ZNF233: variants seen among roughly 807,000 people sequenced by gnomAD.
The protein encoded by ZNF233 is zinc finger protein 233.
In ZNF233, 7 loss-of-function variants were observed where a neutral mutation model predicts 11.6. The observed-to-expected ratio is 0.60, with a 90% CI of 0.34 to 1.13. The LOEUF (loss-of-function observed/expected upper bound fraction) is 1.13, where lower values mean the gene tolerates loss of function less well. Among genes scored for constraint, ZNF233 ranks in the 50% most tolerant of loss-of-function variants. The pLI is 0.03. For synonymous variants in ZNF233, 226 were observed against 268.5 expected, an observed-to-expected ratio of 0.84 and a Z score of 1.55; for missense variants, 711 against 785.5, an observed-to-expected ratio of 0.91 and a Z score of 1.13.
intron 4 of ZNF233, chr19:44,268,176 A>G (rs1975143455): frequency 6.6e-6 from 1 of 152,078 alleles, no homozygotes; most frequent in South Asian, 2.1e-4. Context: ...ACATACATAC[A>G]TACATACATT....
intron 4 of ZNF233, among the ~76,000 whole-genome samples, chr19:44,268,826 CATTT>C (rs891543951): frequency 3.3e-5 from 5 of 151,458 alleles, no homozygotes; most frequent in South Asian, 2.1e-4. Context: ...CTTCTTCCTT[CATTT>C]ATCTTTAATT....
chr19:44,273,769 G>A lies in ZNF233; in HGVS notation c.1109G>A (p.Cys370Tyr). The part of the protein sequence containing the change: ...HELTHPGEKL[C>Y]TCGRCGKGFH... ...CTTACTCACCCAGGAGAGAAGTTGT[G>A]TACATGTGGCAGGTGTGGGAAGGGC... Residue 370 changes from cysteine (C) to tyrosine (Y), a missense_variant, in exon 5 of 5, where the codon TGT (cysteine) becomes TAT (tyrosine). By Grantham distance (194) the Cys-to-Tyr change is radical. Coordinates refer to ENST00000683810, the MANE Select transcript of ZNF233 (RefSeq NM_001207005.2). 2 of 1,614,172 alleles carry A rather than the reference G, an allele frequency of 1.2e-6. No individual in the cohort carries two copies. Among genetic ancestry groups the A allele is most frequent in the Middle Eastern group, 1.6e-4 (1 of 6,062 alleles).
intron 2 of ZNF233, among the ~76,000 whole-genome samples, chr19:44,264,928 C>T (rs1975030522): frequency 6.6e-6 from 1 of 152,058 alleles, no homozygotes; most frequent in Non-Finnish European, 1.5e-5. Context: ...TTTCATGGGG[C>T]TTTAAAAATG....
In ZNF233 at chr19:44,274,458, G is replaced by C; in HGVS notation, c.1798G>C (p.Gly600Arg). The C allele has an allele frequency of 6.2e-7, 1 of 1,614,108 alleles. No homozygotes were observed. Among genetic ancestry groups the C allele is most frequent in the Non-Finnish European group, 8.5e-7 (1 of 1,180,008 alleles). The change falls in exon 5 of 5, where the codon GGC (glycine) becomes CGC (arginine). Residue 600 changes from glycine (G) to arginine (R), a missense_variant. Transcript: ENST00000683810. ...ATACAAATGTGAAGAATGTAGGAAA[G>C]GCTTCATCTGGAACTCATATCTTCA... ...KPYKCEECRKGFIWNSYLHVH... is the reference protein window; with the variant it reads ...KPYKCEECRKRFIWNSYLHVH...
intron 4 of ZNF233, chr19:44,267,427 C>T (rs186955652): frequency 2.2e-4 from 88 of 397,942 alleles, no homozygotes; most frequent in African/African-American, 1.7e-3. Context: ...TCATGGTACA[C>T]TGCAGCCTCG....
At position 44,274,655 on chromosome 19, in the gene ZNF233, TTC is replaced by T. The variant is rs1568638206; in HGVS notation, c.1996_1997del (p.Ser666IlefsTer24). On this transcript the variant is annotated frameshift_variant, in exon 5 of 5. Transcript: ENST00000683810. LOFTEE classifies it high-confidence loss of function. The stretch of plus-strand genomic sequence containing the variant: ...TTAGTAAGAGTTCGTTGTCTTCAGA[TTC>T]ATCAGAGAGTCCATGATGGTGATGA... Reference protein sequence around the residue: ...GFSKSSLSSDSSESP With the variant: ...GFSKSSLSSDXSESP 11 of 1,602,966 alleles carry T rather than the reference TTC, an allele frequency of 6.9e-6. No homozygotes were observed. The highest frequency in any genetic ancestry group is 6.8e-5 in the Admixed American group (4 of 59,230).
chr19:44,262,880 C>G (rs532922257), intron 1 of ZNF233, among the ~76,000 whole-genome samples: 3 of 152,184 alleles, frequency 2.0e-5, no homozygotes, highest in African/African-American at 7.2e-5. Context: ...CAGTTCATAC[C>G]CTCCAACTTC....
chr19:44,273,748 C>T lies in ZNF233; in HGVS notation c.1088C>T (p.Thr363Ile), dbSNP rs770636457. The T allele has an allele frequency of 6.2e-7, 1 of 1,614,182 alleles. No individual in the cohort carries two copies. Among genetic ancestry groups the T allele is most frequent in the Non-Finnish European group, 8.5e-7 (1 of 1,180,030 alleles). ...QNSCLPSHEL[T>I]HPGEKLCTCG... The stretch of plus-strand genomic sequence containing the variant: ...TCCTGTCTTCCCTCTCATGAGCTTA[C>T]TCACCCAGGAGAGAAGTTGTGTACA... The change falls in exon 5 of 5, where the codon ACT (threonine) becomes ATT (isoleucine). Residue 363 changes from threonine to isoleucine, a missense_variant. Coordinates refer to ENST00000683810, the MANE Select transcript of ZNF233 (RefSeq NM_001207005.2).
At position 44,266,253 on chromosome 19, in the gene ZNF233, T is replaced by G; in HGVS notation, c.71T>G (p.Leu24Trp). ...GTCTTCACCAGGGAGGAGCTGGGGT[T>G]GCTGGACCTTGCCCAGAGAAAGCTG... The part of the protein sequence containing the change: ...AVVFTREELG[L>W]LDLAQRKLYQ... Residue 24 changes from leucine to tryptophan, a missense_variant, in exon 3 of 5, where the codon TTG becomes TGG. Physicochemically the swap from Leu to Trp is moderately conservative, Grantham distance 61 (BLOSUM62 -2). Coordinates refer to ENST00000683810, the MANE Select transcript of ZNF233 (RefSeq NM_001207005.2). The G allele has an allele frequency of 2.5e-6, 4 of 1,612,868 alleles. 1 individual carries two copies. The South Asian group carries it at 4.4e-5, about 18-fold the overall frequency.
chr19:44,265,831 G>A (rs896661799), intron 2 of ZNF233, among the ~76,000 whole-genome samples: 8 of 152,158 alleles, frequency 5.3e-5, no homozygotes, highest in Non-Finnish European at 1.2e-4. Context: ...CTTTTTCAGC[G>A]TTGGGACTAA....
intron 4 of ZNF233, chr19:44,268,177 T>TACATACATACAC (rs1975143649): frequency 6.6e-6 from 1 of 151,894 alleles, no homozygotes; most frequent in African/African-American, 2.4e-5. Context: ...CATACATACA[T>TACATACATACAC]ACATACATTT....
At chr19:44,271,047 T>C (rs1431171418) in intron 4 of ZNF233, among the ~76,000 whole-genome samples, 1 of 152,204 alleles carries the variant, frequency 6.6e-6, no homozygotes. Context: ...TCAAACCAAG[T>C]GGCAACAATT....
intron 3 of ZNF233, among the ~76,000 whole-genome samples, chr19:44,266,606 C>T (rs756069767): frequency 1.1e-4 from 17 of 151,772 alleles, no homozygotes; most frequent in East Asian, 3.9e-4. Context: ...TTCAGTGCAA[C>T]GAAAATTGTA....
Position 44,265,012 on chromosome 19 carries a change from G to A in ZNF233, c.15+637G>A, listed in dbSNP as rs193242470. ...AACAGTTTTATATCCCACTTCGACAGTTGTATAATTGCATTAGCCCACCAT... is the reference window on the plus strand; with the variant it reads ...AACAGTTTTATATCCCACTTCGACAATTGTATAATTGCATTAGCCCACCAT... On this transcript the variant is annotated intron_variant, in intron 2 of 4. Transcript: ENST00000683810. Among the ~76,000 whole-genome samples the A allele has an allele frequency of 6.6e-5, 10 of 152,192 alleles. 1 individual carries two copies. The highest frequency in any genetic ancestry group is 2.4e-4 in the African/African-American group (10 of 41,544).
chr19:44,271,808 C>G (rs941596729), intron 4 of ZNF233, among the ~76,000 whole-genome samples: 1 of 151,888 alleles, frequency 6.6e-6, no homozygotes, highest in Admixed American at 6.6e-5. Context: ...CCGCACCCAG[C>G]CAAAGAGGAG....
chr19:44,261,117 C>A (rs973570887), intron 1 of ZNF233, among the ~76,000 whole-genome samples: 32 of 152,084 alleles, frequency 2.1e-4, no homozygotes, highest in African/African-American at 7.7e-4. Context: ...GGGTTCTTGA[C>A]CTTTGTGCCA....
In ZNF233 at chr19:44,274,749, A is replaced by G; in HGVS notation, c.*76A>G. 1 of 1,119,364 alleles carries G rather than the reference A, an allele frequency of 8.9e-7. No individual in the cohort carries two copies. Among genetic ancestry groups the G allele is most frequent in the Non-Finnish European group, 1.3e-6 (1 of 794,502 alleles). The allele number at this position is 1,119,364 out of a possible 1,614,324, so 69.3% of individuals were successfully genotyped here. The stretch of plus-strand genomic sequence containing the variant: ...ACTTAGACTTCCCATTTTCCTCAGA[A>G]AATCCACACAGCACAGAATATTTAT... On this transcript the variant is annotated 3_prime_UTR_variant, in exon 5 of 5. Coordinates refer to ENST00000683810, the MANE Select transcript of ZNF233 (RefSeq NM_001207005.2).
At chr19:44,271,788 G>C (rs1164012623) in intron 4 of ZNF233, among the ~76,000 whole-genome samples, 1 of 152,032 alleles carries the variant, frequency 6.6e-6, no homozygotes, top group Non-Finnish European at 1.5e-5. Flanking sequence ...AGGATTACAG[G>C]TGAGAGCCAC....
Position 44,275,044 on chromosome 19 carries a change from G to A in ZNF233, c.*371G>A. 1 of 406,636 alleles carries A rather than the reference G, an allele frequency of 2.5e-6. No homozygotes were observed. The highest frequency in any genetic ancestry group is 3.5e-5 in the East Asian group (1 of 28,474). 25.2% of individuals were successfully genotyped at this position (406,636 alleles called of 1,614,324 possible). On this transcript the variant is annotated 3_prime_UTR_variant, in exon 5 of 5. Coordinates refer to ENST00000683810, the MANE Select transcript of ZNF233 (RefSeq NM_001207005.2). Reference sequence around the variant, plus strand: ...TTAGCAAAAGTATAATGAGGGACATGACAAAATCTGTGTCCACTAGAATCT... The same window carrying A: ...TTAGCAAAAGTATAATGAGGGACATAACAAAATCTGTGTCCACTAGAATCT...
Sources: gnomAD v4.1 joint callset for allele counts (sites outside exome capture counted in the v4.1 genomes callset) on GRCh38, gnomAD v4.1.1 for gene constraint, MANE v1.5 for transcripts, NCBI Gene and HGNC (gene_info 2026-07-23, HGNC 2026-07-21) for gene names.